The following CDC42BPB variants were observed in gnomAD, a reference collection of about 807,000 sequenced individuals.
CDC42BPB encodes the protein CDC42 binding protein kinase beta.
CDC42BPB carries 37 observed loss-of-function variants against 214.9 expected under a neutral mutation model. That is an observed-to-expected ratio of 0.17 (90% CI 0.13 to 0.23). The LOEUF is 0.23. CDC42BPB is among the 10% of genes least tolerant of loss of function. The probability of loss-of-function intolerance (pLI) is 1.00; values close to 1 mark genes in which losing one functional copy is unlikely to be tolerated. For missense variants in CDC42BPB, 1,694 were observed against 2,227.0 expected (o/e 0.76, Z 4.82); for synonymous variants, 931 against 884.0 (o/e 1.05, Z -0.94).
At chr14:102,977,546 G>A (rs1169985605) in intron 9 of CDC42BPB, among the ~76,000 whole-genome samples, 4 of 152,020 alleles carry the variant, frequency 2.6e-5, no homozygotes, top group South Asian at 4.1e-4. Context: ...CATCTCAGGC[G>A]ACACAACTTT....
rs559590180 is a variant in CDC42BPB at position 102,944,701 on chromosome 14, G to A, written c.3812-214C>T. 5.2e-5 allele frequency: 51 copies of A among 983,240 alleles called. No homozygotes were observed. In the African/African-American group the frequency reaches 6.8e-4, roughly 13 times the overall value. The allele number at this position is 983,240 out of a possible 1,614,324, so 60.9% of individuals were successfully genotyped here. Reference sequence around the variant, plus strand: ...GGAGAAGCTGCCCCACATCCACAGCGCGCTCCTGGGGCAGCCTCGGGGGCT... The same window carrying A: ...GGAGAAGCTGCCCCACATCCACAGCACGCTCCTGGGGCAGCCTCGGGGGCT... On this transcript the variant is annotated intron_variant, in intron 29 of 36. Coordinates refer to ENST00000361246, the MANE Select transcript of CDC42BPB (RefSeq NM_006035.4). The surrounding 1 kb of genome is among the most constrained non-coding windows in gnomAD (Gnocchi z 6.6).
Position 103,057,099 on chromosome 14 carries a change from C to T in CDC42BPB, c.75G>A (p.Leu25=). Residue 25 remains leucine (L), a synonymous_variant, in exon 1 of 37, where the codon CTG becomes CTA. Coordinates refer to ENST00000361246, the MANE Select transcript of CDC42BPB (RefSeq NM_006035.4). ...LDGPWRNESA[L]SVETLLDVLV... ...GCACGTCGAGCAGCGTTTCCACGCTCAGGGCGCTCTCGTTGCGCCAGGGCC... is the reference window on the plus strand; with the variant it reads ...GCACGTCGAGCAGCGTTTCCACGCTTAGGGCGCTCTCGTTGCGCCAGGGCC... 2 of 1,525,176 alleles carry T rather than the reference C, an allele frequency of 1.3e-6. No homozygotes were observed. The highest frequency in any genetic ancestry group is 1.2e-5 in the South Asian group (1 of 81,968). The allele number at this position is 1,525,176 out of a possible 1,614,324, so 94.5% of individuals were successfully genotyped here.
At chr14:102,985,694 G>T (rs576838672) in intron 6 of CDC42BPB, among the ~76,000 whole-genome samples, 22 of 152,366 alleles carry the variant, frequency 1.4e-4, no homozygotes, top group African/African-American at 5.0e-4. Context: ...GCAAGAAAGG[G>T]ATTGCTCTCT....
chr14:102,936,091 A>G (rs781195157), intron 36 of CDC42BPB, among the ~76,000 whole-genome samples: 15 of 152,246 alleles, frequency 9.9e-5, no homozygotes, highest in Non-Finnish European at 1.8e-4. Flanking sequence ...AAAAAGAAGA[A>G]AAACAAGAAC....
chr14:102,954,221 C>A lies in CDC42BPB; in HGVS notation c.3043G>T (p.Ala1015Ser), dbSNP rs1289940468. The change falls in exon 23 of 37, where the codon GCC becomes TCC. Residue 1015 changes from alanine (A) to serine (S), a missense_variant. Transcript: ENST00000361246. Reference protein sequence around the residue: ...PSAVPLPTTQALALAGPKPKA... With the variant: ...PSAVPLPTTQSLALAGPKPKA... ...ACCTTCGGTCCAGCCAGAGCCAGGGCCTGCGTGGTGGGCAACGGCACAGCG... is the reference window on the plus strand; with the variant it reads ...ACCTTCGGTCCAGCCAGAGCCAGGGACTGCGTGGTGGGCAACGGCACAGCG... 15 of 1,547,980 alleles carry A rather than the reference C, an allele frequency of 9.7e-6. No homozygotes were observed. The highest frequency in any genetic ancestry group is 4.9e-5 in the East Asian group (2 of 40,930).
intron 5 of CDC42BPB, among the ~76,000 whole-genome samples, chr14:102,987,627 T>C (rs1377244174): frequency 1.3e-5 from 2 of 152,086 alleles, no homozygotes; most frequent in African/African-American, 2.4e-5. Context: ...GGGCAGATGA[T>C]AATTCTTACC....
At chr14:103,054,139 C>T (rs1302847494) in intron 1 of CDC42BPB, among the ~76,000 whole-genome samples, 3 of 152,200 alleles carry the variant, frequency 2.0e-5, no homozygotes, top group Admixed American at 6.5e-5. Context: ...GCTGGGATTA[C>T]AGGCATGAGC....
At chr14:103,056,653 G>T (rs551134278) in intron 1 of CDC42BPB, among the ~76,000 whole-genome samples, 21 of 145,910 alleles carry the variant, frequency 1.4e-4, no homozygotes, top group Admixed American at 4.1e-4. Flanking sequence ...CTAGGAAGCC[G>T]CCAGGGCGAG....
chr14:103,005,569 G>A (rs1895199006), intron 3 of CDC42BPB, among the ~76,000 whole-genome samples: 1 of 151,992 alleles, frequency 6.6e-6, no homozygotes, highest in African/African-American at 2.4e-5. Flanking sequence ...AATTAGCCGG[G>A]TGTGGTGTCA....
chr14:102,982,428 G>C (rs952552345), intron 7 of CDC42BPB, among the ~76,000 whole-genome samples: 1 of 152,140 alleles, frequency 6.6e-6, no homozygotes. Context: ...AGCGGGGAGG[G>C]AAATGCTATG....
At chr14:103,026,870 TAA>T (rs1036092882) in intron 1 of CDC42BPB, among the ~76,000 whole-genome samples, 42 of 132,572 alleles carry the variant, frequency 3.2e-4, no homozygotes, top group Non-Finnish European at 3.6e-4. Context: ...TCCGTCTCAT[TAA>T]AAAAAAAAAA....
intron 1 of CDC42BPB, among the ~76,000 whole-genome samples, chr14:103,015,899 G>A (rs1051436876): frequency 4.0e-4 from 60 of 150,064 alleles, no homozygotes; most frequent in African/African-American, 1.3e-3. Context: ...TTTTTTTTTA[G>A]TAGAGACAGG....
chr14:103,020,354 C>CCT (rs1296623821), intron 1 of CDC42BPB, among the ~76,000 whole-genome samples: 1 of 152,194 alleles, frequency 6.6e-6, no homozygotes, highest in Non-Finnish European at 1.5e-5. Flanking sequence ...CTCCTGAGGT[C>CCT]CTCTCCTTGT....
At chr14:102,990,969 G>C (rs1447397681) in intron 5 of CDC42BPB, among the ~76,000 whole-genome samples, 1 of 152,206 alleles carries the variant, frequency 6.6e-6, no homozygotes, top group Non-Finnish European at 1.5e-5. Flanking sequence ...ATGACGACTG[G>C]TCAGCATGGT....
chr14:102,961,814 A>G (rs1892975582), intron 20 of CDC42BPB, among the ~76,000 whole-genome samples: 1 of 152,194 alleles, frequency 6.6e-6, no homozygotes, highest in Admixed American at 6.5e-5. Flanking sequence ...AAGTGTTGGG[A>G]TTACAGGCGT....
In CDC42BPB at chr14:102,949,731, C is replaced by G. The variant is rs200081418; in HGVS notation, c.3449+34G>C. ...TGGCTAAAGATAGCTGAGGAAGATT[C>G]ACAGAGCAAGGACAGTGCTGCCCAA... On this transcript the variant is annotated intron_variant, in intron 26 of 36. Transcript: ENST00000361246. 160 of 1,611,278 alleles carry G rather than the reference C, an allele frequency of 9.9e-5. No individual in the cohort carries two copies. The African/African-American group carries it at 1.9e-3, about 19-fold the overall frequency.
chr14:102,937,160 G>A (rs1404428841), intron 36 of CDC42BPB: 1 of 152,296 alleles, frequency 6.6e-6, no homozygotes, highest in Non-Finnish European at 1.5e-5. Context: ...TCTGTATAAT[G>A]TGACAGCCTA....
At chr14:102,989,859 C>CA (rs534939001) in intron 5 of CDC42BPB, among the ~76,000 whole-genome samples, 3,029 of 98,126 alleles carry the variant, frequency 0.031, 102 homozygotes, top group African/African-American at 0.1. Context: ...AACTCTGTTT[C>CA]AAAAAAAAAA....
intron 36 of CDC42BPB, among the ~76,000 whole-genome samples, chr14:102,934,866 C>T (rs550645623): frequency 2.0e-5 from 3 of 151,812 alleles, no homozygotes; most frequent in East Asian, 3.9e-4. Context: ...AAAAATTAGC[C>T]TGGCATGGTG....
Sources: gnomAD v4.1 joint callset for allele counts (sites outside exome capture counted in the v4.1 genomes callset) on GRCh38, gnomAD v4.1.1 for gene constraint, Gnocchi (gnomAD v3.1) non-coding constraint, MANE v1.5 for transcripts, NCBI Gene and HGNC (gene_info 2026-07-23, HGNC 2026-07-21) for gene names.